The following FGF14 variants were observed in gnomAD, a reference collection of about 807,000 sequenced individuals.
The protein encoded by FGF14 is fibroblast growth factor 14.
FGF14 carries 5 observed loss-of-function variants against 25.5 expected under a neutral mutation model. The ratio of observed to expected loss-of-function variants is 0.20; its 90% CI spans 0.10 to 0.41. The LOEUF is 0.41. Among genes scored for constraint, FGF14 ranks in the 10% least tolerant of loss-of-function variants. The probability of loss-of-function intolerance (pLI) is 1.00; values close to 1 mark genes in which losing one functional copy is unlikely to be tolerated. For synonymous variants in FGF14, 138 were observed against 118.3 expected (o/e 1.17, Z -1.08); for missense variants, 222 against 320.1 (o/e 0.69, Z 2.34).
intron 3 of FGF14, among the ~76,000 whole-genome samples, chr13:101,779,878 G>A (rs1199897577): frequency 6.6e-6 from 1 of 152,114 alleles, no homozygotes; most frequent in African/African-American, 2.4e-5. Flanking sequence ...AACTGCATGG[G>A]CTATGTGTTT....
chr13:102,118,618 T>C (rs757129318), intron 1 of FGF14, among the ~76,000 whole-genome samples: 19 of 152,136 alleles, frequency 1.2e-4, no homozygotes, highest in Non-Finnish European at 2.8e-4. Flanking sequence ...AATGAACTTA[T>C]GGGGACTCCC....
At chr13:102,305,353 A>G (rs2055316439) in intron 1 of FGF14, among the ~76,000 whole-genome samples, 1 of 152,200 alleles carries the variant, frequency 6.6e-6, no homozygotes, top group South Asian at 2.1e-4. Context: ...AAAAAAATTA[A>G]GAAGCATAAT....
intron 1 of FGF14, among the ~76,000 whole-genome samples, chr13:102,006,355 CA>C (rs1477949898): frequency 1.3e-5 from 2 of 152,122 alleles, no homozygotes. Context: ...TGTTACTTGC[CA>C]ATCAACAATA....
chr13:102,127,081 A>C (rs1208509760), intron 1 of FGF14, among the ~76,000 whole-genome samples: 1 of 152,026 alleles, frequency 6.6e-6, no homozygotes, highest in Non-Finnish European at 1.5e-5. Flanking sequence ...CCATTGCACC[A>C]GGATGCCTGC....
chr13:102,348,592 C>T (rs531246134), intron 1 of FGF14, among the ~76,000 whole-genome samples: 2 of 152,284 alleles, frequency 1.3e-5, no homozygotes, highest in Admixed American at 6.5e-5. Context: ...AAGTCTAACA[C>T]CAGATAGCAG....
rs1166446102 is a variant in FGF14, at chr13:102,087,575, CTTTTTT to C, written c.209-212285_209-212280del. Among the ~76,000 whole-genome samples, 78 of 79,862 alleles carry C rather than the reference CTTTTTT, an allele frequency of 9.8e-4. No individual in the cohort carries two copies. The Middle Eastern group carries it at 0.034, about 35-fold the overall frequency. 52.4% of individuals were successfully genotyped at this position (79,862 alleles called of 152,430 possible). A position where few individuals can be genotyped will look rare whatever the true frequency, so the allele number is the denominator to read the frequency against. ...TACAGGCACCTGCCACCATGCCTGG[CTTTTTT>C]TTTTTTTTTTTTTTTTGTATTTTTA... is the stretch of plus-strand genomic sequence containing the variant. On this transcript the variant is annotated intron_variant, in intron 1 of 4. Transcript: ENST00000376131.
At chr13:102,027,952 T>C (rs533347124) in intron 1 of FGF14, among the ~76,000 whole-genome samples, 1 of 152,142 alleles carries the variant, frequency 6.6e-6, no homozygotes, top group East Asian at 1.9e-4. Context: ...GAAGTTTATG[T>C]TCTCTGATTA....
At chr13:102,090,723 C>T (rs2044126263) in intron 1 of FGF14, among the ~76,000 whole-genome samples, 1 of 152,184 alleles carries the variant, frequency 6.6e-6, no homozygotes, top group South Asian at 2.1e-4. Flanking sequence ...CTGAGATTCA[C>T]ATTTCCATTA....
chr13:102,227,599 C>A (rs1214344776), intron 1 of FGF14, among the ~76,000 whole-genome samples: 2 of 152,156 alleles, frequency 1.3e-5, no homozygotes, highest in African/African-American at 2.4e-5. Context: ...CTACATCACA[C>A]AACTCTATGC....
intron 3 of FGF14, among the ~76,000 whole-genome samples, chr13:101,852,418 A>G (rs1407784): frequency 1.3e-5 from 2 of 152,182 alleles, no homozygotes; most frequent in East Asian, 3.9e-4. Context: ...TATACATAAC[A>G]CTATTTTATC....
At chr13:102,035,914 G>T (rs776123127) in intron 1 of FGF14, among the ~76,000 whole-genome samples, 1 of 152,022 alleles carries the variant, frequency 6.6e-6, no homozygotes, top group African/African-American at 2.4e-5. Context: ...CACATAAAGG[G>T]GACACGAGTC....
chr13:102,216,509 G>C (rs993623128), intron 1 of FGF14, among the ~76,000 whole-genome samples: 1 of 152,100 alleles, frequency 6.6e-6, no homozygotes, highest in African/African-American at 2.4e-5. Context: ...AAGCAAAATT[G>C]AATTATAAAC....
intron 1 of FGF14, among the ~76,000 whole-genome samples, chr13:101,981,082 A>ACAC (rs2038223037): frequency 8.1e-6 from 1 of 123,706 alleles, no homozygotes; most frequent in South Asian, 3.2e-4. Context: ...TCTCTACTAA[A>ACAC]ACACACACAC....
At position 102,288,800 on chromosome 13, in the gene FGF14, G is replaced by A. The variant is rs554261396; in HGVS notation, c.208+112671C>T. ...GGGTTTCACCATGTTGGCCAGGCTGGTCTCAAACTCCTAACCTCAAGTGAT... is the reference window on the plus strand; with the variant it reads ...GGGTTTCACCATGTTGGCCAGGCTGATCTCAAACTCCTAACCTCAAGTGAT... On this transcript the variant is annotated intron_variant, in intron 1 of 4. Coordinates refer to the FGF14 transcript ENST00000376131. Among the ~76,000 whole-genome samples the A allele has an allele frequency of 6.6e-5, 10 of 152,230 alleles. No individual in the cohort carries two copies. In the South Asian group the frequency reaches 2.1e-3, roughly 32 times the overall value.
At chr13:102,301,671 G>A (rs542816256) in intron 1 of FGF14, among the ~76,000 whole-genome samples, 2 of 152,088 alleles carry the variant, frequency 1.3e-5, no homozygotes, top group South Asian at 4.2e-4. Context: ...GCATGCAGAT[G>A]AGCACACCTG....
At chr13:102,278,160 ATC>A (rs2053636840) in intron 1 of FGF14, among the ~76,000 whole-genome samples, 1 of 152,220 alleles carries the variant, frequency 6.6e-6, no homozygotes, top group Non-Finnish European at 1.5e-5. Context: ...CCTTTAGATG[ATC>A]CCACTCATAT....
At chr13:101,792,928 G>A (rs888028496) in intron 3 of FGF14, among the ~76,000 whole-genome samples, 1 of 152,026 alleles carries the variant, frequency 6.6e-6, no homozygotes, top group Admixed American at 6.6e-5. Flanking sequence ...ACAAAGCAAT[G>A]TTATGATTTC....
At chr13:101,872,969 T>C (rs2045189867) in intron 2 of FGF14, among the ~76,000 whole-genome samples, 1 of 151,908 alleles carries the variant, frequency 6.6e-6, no homozygotes, top group Non-Finnish European at 1.5e-5. Flanking sequence ...GCATTTAGAG[T>C]GTCAGAAGAA....
chr13:102,374,018 A>C (rs984789725), intron 1 of FGF14, among the ~76,000 whole-genome samples: 4 of 152,150 alleles, frequency 2.6e-5, no homozygotes, highest in African/African-American at 9.6e-5. Flanking sequence ...AAGGAACTCA[A>C]GCATTGGATG....
Sources: gnomAD v4.1 joint callset for allele counts (sites outside exome capture counted in the v4.1 genomes callset) on GRCh38, gnomAD v4.1.1 for gene constraint, MANE v1.5 for transcripts, NCBI Gene and HGNC (gene_info 2026-07-23, HGNC 2026-07-21) for gene names.